CHD9: variants seen among roughly 807,000 people sequenced by gnomAD.
CHD9 encodes the protein ATP-dependent chromatin remodeler CHD9.
Under a neutral mutation model 316.1 loss-of-function variants are expected in CHD9, and 77 were observed. The observed-to-expected ratio is 0.24, with a 90% CI of 0.20 to 0.29. The LOEUF (loss-of-function observed/expected upper bound fraction) is 0.29. Ranked by LOEUF, CHD9 falls within the 10% of genes least tolerant of loss-of-function variation. The pLI, the probability that CHD9 is intolerant of heterozygous loss-of-function variation, is 1.00. For synonymous variants in CHD9, 1,129 were observed against 1,158.3 expected, an observed-to-expected ratio of 0.97 and a Z score of 0.51; for missense variants, 2,763 against 3,438.1, an observed-to-expected ratio of 0.80 and a Z score of 4.91.
At chr16:53,129,501 AT>A (rs2039120236) in intron 1 of CHD9, among the ~76,000 whole-genome samples, 1 of 152,206 alleles carries the variant, frequency 6.6e-6, no homozygotes, top group African/African-American at 2.4e-5. Flanking sequence ...AGTTATGCTG[AT>A]CCACTCTGGA....
chr16:53,175,462 A>G (rs897017349), intron 2 of CHD9, among the ~76,000 whole-genome samples: 1 of 152,202 alleles, frequency 6.6e-6, no homozygotes, highest in African/African-American at 2.4e-5. Flanking sequence ...CTATTGTTTC[A>G]TATATTTTGC....
chr16:53,309,606 G>A (rs1224985980), intron 34 of CHD9, among the ~76,000 whole-genome samples: 1 of 152,140 alleles, frequency 6.6e-6, no homozygotes, highest in Non-Finnish European at 1.5e-5. Flanking sequence ...ATTGAGGAAT[G>A]CATTAGACAT....
Position 53,325,125 on chromosome 16 carries a change from C to A in CHD9, c.*230C>A. 1 of 365,804 alleles carries A rather than the reference C, an allele frequency of 2.7e-6. No individual in the cohort carries two copies. The allele number at this position is 365,804 out of a possible 1,614,324, so 22.7% of individuals were successfully genotyped here. ...AATACATAAAGGTGTAAAATTACAA[C>A]AAAAGGCATTATAATTTTGTTGGGG... On this transcript the variant is annotated 3_prime_UTR_variant, in exon 39 of 39. Coordinates refer to ENST00000447540, the MANE Select transcript of CHD9 (RefSeq NM_001308319.2).
intron 1 of CHD9, among the ~76,000 whole-genome samples, chr16:53,152,157 T>A (rs550631791): frequency 6.6e-6 from 1 of 152,328 alleles, no homozygotes; most frequent in East Asian, 1.9e-4. Context: ...ATTTAGACAC[T>A]TTTCAAACTA....
At chr16:53,304,699 T>C (rs1164482407) in intron 31 of CHD9, 74 bp downstream of exon 31, 6 of 1,275,174 alleles carry the variant, frequency 4.7e-6, no homozygotes, top group East Asian at 2.6e-5. Flanking sequence ...TTTTCTTTTT[T>C]TTTTTTTTTT....
chr16:53,114,866 C>G (rs1311810478), intron 1 of CHD9, among the ~76,000 whole-genome samples: 1 of 152,194 alleles, frequency 6.6e-6, no homozygotes, highest in Non-Finnish European at 1.5e-5. Flanking sequence ...GGATTACAGG[C>G]GTGAGCCACC....
At chr16:53,153,520 T>C (rs567760267) in intron 1 of CHD9, among the ~76,000 whole-genome samples, 1 of 152,208 alleles carries the variant, frequency 6.6e-6, no homozygotes, top group South Asian at 2.1e-4. Context: ...AAAAGTAATT[T>C]CCTTGGTTTT....
chr16:53,132,688 T>C lies in CHD9; in HGVS notation c.-164-23238T>C, dbSNP rs2039411860. On this transcript the variant is annotated intron_variant, in intron 1 of 38. Coordinates refer to ENST00000447540, the MANE Select transcript of CHD9 (RefSeq NM_001308319.2). ...TTGTAACAACAGGCCACATGGAGCC[T>C]TACGTTCGATATTTGATAAGTATTA... Among the ~76,000 whole-genome samples the C allele has an allele frequency of 2.6e-5, 4 of 152,190 alleles. No homozygotes were observed. The South Asian group carries it at 8.3e-4, about 31-fold the overall frequency.
At chr16:53,200,927 A>G (rs992461733) in intron 2 of CHD9, among the ~76,000 whole-genome samples, 12 of 152,170 alleles carry the variant, frequency 7.9e-5, no homozygotes, top group Non-Finnish European at 1.3e-4. Context: ...AATATCTCTC[A>G]GTATTTGTAT....
At chr16:53,193,119 A>G (rs532093416) in intron 2 of CHD9, among the ~76,000 whole-genome samples, 1 of 152,232 alleles carries the variant, frequency 6.6e-6, no homozygotes, top group East Asian at 1.9e-4. Context: ...CTGTTGCTCC[A>G]TATCCTGTCT....
chr16:53,202,850 T>G (rs1378077087), intron 2 of CHD9, among the ~76,000 whole-genome samples: 1 of 152,190 alleles, frequency 6.6e-6, no homozygotes, highest in Non-Finnish European at 1.5e-5. Flanking sequence ...AATAAACCTT[T>G]TAATTTGTGA....
chr16:53,231,144 G>A (rs537229862), intron 8 of CHD9, among the ~76,000 whole-genome samples: 35 of 152,288 alleles, frequency 2.3e-4, no homozygotes, highest in African/African-American at 6.3e-4. Context: ...GAGGAAAAGC[G>A]TAAAGGAAAG....
At chr16:53,113,551 T>C (rs1411008824) in intron 1 of CHD9, among the ~76,000 whole-genome samples, 8 of 151,918 alleles carry the variant, frequency 5.3e-5, no homozygotes, top group Non-Finnish European at 1.2e-4. Flanking sequence ...GACGTCATGA[T>C]GCACCCGCCT....
Position 53,156,503 on chromosome 16 carries a change from A to G in CHD9, c.414A>G (p.Gly138=). 1 of 1,613,946 alleles carries G rather than the reference A, an allele frequency of 6.2e-7. No homozygotes were observed. Among genetic ancestry groups the G allele is most frequent in the Non-Finnish European group, 8.5e-7 (1 of 1,179,842 alleles). Residue 138 remains glycine, a synonymous_variant, in exon 2 of 39, where the codon GGA becomes GGG. Transcript: ENST00000447540. ...QTATTISNQN[G]SPFHQQGHSH... ...CTACTACCATTTCAAATCAAAATGGATCTCCTTTTCACCAACAAGGACATT... is the reference window on the plus strand; with the variant it reads ...CTACTACCATTTCAAATCAAAATGGGTCTCCTTTTCACCAACAAGGACATT...
At chr16:53,278,898 T>A (rs1336577308) in intron 24 of CHD9, among the ~76,000 whole-genome samples, 3 of 152,176 alleles carry the variant, frequency 2.0e-5, no homozygotes, top group African/African-American at 7.2e-5. Flanking sequence ...GGAACACTTT[T>A]ACACTGTTGG....
At chr16:53,106,404 A>G (rs962835201) in intron 1 of CHD9, among the ~76,000 whole-genome samples, 2 of 152,234 alleles carry the variant, frequency 1.3e-5, no homozygotes, top group African/African-American at 4.8e-5. Context: ...TCAAAGAAGC[A>G]TAGTAAAAGG....
chr16:53,223,694 A>G (rs1006858979), intron 4 of CHD9, among the ~76,000 whole-genome samples: 5 of 152,244 alleles, frequency 3.3e-5, no homozygotes, highest in African/African-American at 1.2e-4. Flanking sequence ...AGGCTAGGTC[A>G]ACATGAACAT....
At chr16:53,248,548 CAG>C (rs2049868524) in intron 16 of CHD9, among the ~76,000 whole-genome samples, 1 of 110,372 alleles carries the variant, frequency 9.1e-6, no homozygotes, top group South Asian at 3.0e-4. Flanking sequence ...TTTTTGAAGA[CAG>C]GGTCTCACTG....
At chr16:53,226,964 A>G (rs1052216590) in intron 5 of CHD9, among the ~76,000 whole-genome samples, 2 of 152,146 alleles carry the variant, frequency 1.3e-5, no homozygotes, top group African/African-American at 4.8e-5. Flanking sequence ...CGTTTGCCTG[A>G]ATGCCATATG....
Sources: allele counts gnomAD v4.1 joint callset (sites outside exome capture counted in the v4.1 genomes callset), GRCh38; gene constraint gnomAD v4.1.1; transcripts MANE v1.5; gene names NCBI Gene and HGNC (gene_info 2026-07-23, HGNC 2026-07-21).